Variants in WWP2 observed in about 807,000 individuals in gnomAD.
WWP2 encodes the protein NEDD4-like E3 ubiquitin-protein ligase WWP2.
Under a neutral mutation model 121.0 loss-of-function variants are expected in WWP2, and 57 were observed. The ratio of observed to expected loss-of-function variants is 0.47; its 90% confidence interval spans 0.38 to 0.59. The LOEUF is 0.59. WWP2 is among the 20% of genes least tolerant of loss of function. The probability of loss-of-function intolerance (pLI) is 0.00; values close to 1 mark genes in which losing one functional copy is unlikely to be tolerated. For missense variants in WWP2, 962 were observed against 1,158.9 expected, an observed-to-expected ratio of 0.83 and a Z score of 2.47; for synonymous variants, 449 against 441.3, an observed-to-expected ratio of 1.02 and a Z score of -0.22.
At chr16:69,771,907 C>G (rs544185332) in intron 1 of WWP2, among the ~76,000 whole-genome samples, 78 of 128,530 alleles carry the variant, frequency 6.1e-4, no homozygotes, top group Non-Finnish European at 1.0e-3. Flanking sequence ...TGCCTGAAGT[C>G]TTGAGTTTGG....
intron 8 of WWP2, among the ~76,000 whole-genome samples, chr16:69,893,166 A>G (rs1486861548): frequency 2.6e-5 from 4 of 152,144 alleles, no homozygotes; most frequent in Non-Finnish European, 5.9e-5. Context: ...TTAATCAGTA[A>G]ATCCTCTGGG....
chr16:69,832,288 C>A (rs762905609), intron 4 of WWP2, among the ~76,000 whole-genome samples: 1 of 152,192 alleles, frequency 6.6e-6, no homozygotes, highest in South Asian at 2.1e-4. Context: ...CCATCTATGA[C>A]GGGCCATTCC....
chr16:69,926,397 C>G lies in WWP2; in HGVS notation c.1234+913C>G, dbSNP rs115515767. ...GTAAACGTTGGTTTGGTGGTGTTGACAGATGGTGTGAAACTGGGAGGGGGT... is the reference window on the plus strand; with the variant it reads ...GTAAACGTTGGTTTGGTGGTGTTGAGAGATGGTGTGAAACTGGGAGGGGGT... On this transcript the variant is annotated intron_variant, in intron 11 of 23. Coordinates refer to ENST00000359154, the MANE Select transcript of WWP2 (RefSeq NM_001270454.2). Among the ~76,000 whole-genome samples, 960 of 152,172 alleles carry G rather than the reference C, an allele frequency of 6.3e-3. 12 individuals carry two copies. The highest frequency in any genetic ancestry group is 0.021 in the African/African-American group (883 of 41,518).
At chr16:69,794,521 C>A (rs2055985456) in intron 2 of WWP2, among the ~76,000 whole-genome samples, 1 of 151,492 alleles carries the variant, frequency 6.6e-6, no homozygotes, top group South Asian at 2.1e-4. Flanking sequence ...AGAGGGAGAC[C>A]CGGTCTCAAA....
In WWP2 at chr16:69,873,273, T is replaced by C. The variant is rs1327615943; in HGVS notation, c.703+1342T>C. On this transcript the variant is annotated intron_variant, in intron 7 of 23. Transcript: ENST00000359154. ...CCTTCAGTTCTGTGGCAGCACCATA[T>C]GGGGGCTTCAGAGTCCCCGTGGCTG... Among the ~76,000 whole-genome samples the C allele has an allele frequency of 2.0e-5, 3 of 152,308 alleles. No homozygotes were observed. In the East Asian group the frequency reaches 5.8e-4, roughly 29 times the overall value.
At chr16:69,801,720 C>T (rs1434148520) in intron 4 of WWP2, among the ~76,000 whole-genome samples, 2 of 151,884 alleles carry the variant, frequency 1.3e-5, no homozygotes, top group Admixed American at 6.6e-5. Flanking sequence ...CTACTGTTAA[C>T]ATTTTGATGT....
At chr16:69,938,819 A>G (rs1218586459) in intron 21 of WWP2, among the ~76,000 whole-genome samples, 1 of 152,250 alleles carries the variant, frequency 6.6e-6, no homozygotes, top group Non-Finnish European at 1.5e-5. Context: ...GAGATGTCCC[A>G]TGGACTGGTG....
chr16:69,897,839 C>T lies in WWP2; in HGVS notation c.914+9590C>T, dbSNP rs541657111. ...AGAAGAATGGTTTGAACCAGGGAGGCGGAGGTTACAGTGAGCCGAGATCGT... is the reference window on the plus strand; with the variant it reads ...AGAAGAATGGTTTGAACCAGGGAGGTGGAGGTTACAGTGAGCCGAGATCGT... On this transcript the variant is annotated intron_variant, in intron 8 of 23. Transcript: ENST00000359154. Among the ~76,000 whole-genome samples the T allele has an allele frequency of 5.5e-4, 83 of 151,444 alleles. 1 individual carries two copies. Among genetic ancestry groups the T allele is most frequent in the Middle Eastern group, 3.4e-3 (1 of 294 alleles).
At chr16:69,903,377 G>A (rs928265010) in intron 8 of WWP2, among the ~76,000 whole-genome samples, 3 of 152,210 alleles carry the variant, frequency 2.0e-5, no homozygotes, top group Non-Finnish European at 2.9e-5. Flanking sequence ...TAGCCAAAGT[G>A]TAATAAAATC....
chr16:69,793,746 C>CA (rs2055963996), intron 2 of WWP2, among the ~76,000 whole-genome samples: 1 of 151,952 alleles, frequency 6.6e-6, no homozygotes, highest in Admixed American at 6.6e-5. Context: ...GGGGAAGTCA[C>CA]AAATCTTGTG....
chr16:69,850,053 A>C (rs2057173731), intron 6 of WWP2, among the ~76,000 whole-genome samples: 1 of 152,196 alleles, frequency 6.6e-6, no homozygotes, highest in African/African-American at 2.4e-5. Flanking sequence ...TTCACTTGAT[A>C]TACATGAATG....
At position 69,799,315 on chromosome 16, in the gene WWP2, T is replaced by C; in HGVS notation, c.340+20T>C. On this transcript the variant is annotated intron_variant, in intron 4 of 23. Coordinates refer to ENST00000359154, the MANE Select transcript of WWP2 (RefSeq NM_001270454.2). This position sits in a 1 kb window ranked among gnomAD's most constrained non-coding sequence, Gnocchi z 4.5. ...GCAAAAGTACGTATGATGAAGGGGGTGCCGACGTGATTCTTGGGTGGGGAT... is the reference window on the plus strand; with the variant it reads ...GCAAAAGTACGTATGATGAAGGGGGCGCCGACGTGATTCTTGGGTGGGGAT... 6.2e-7 allele frequency: 1 copy of C among 1,607,178 alleles called. No individual in the cohort carries two copies. The highest frequency in any genetic ancestry group is 8.5e-7 in the Non-Finnish European group (1 of 1,176,930).
In WWP2 at chr16:69,925,194, A is replaced by G; in HGVS notation, c.1180-236A>G. On this transcript the variant is annotated intron_variant, in intron 10 of 23. Coordinates refer to ENST00000359154, the MANE Select transcript of WWP2 (RefSeq NM_001270454.2). This position sits in a 1 kb window ranked among gnomAD's most constrained non-coding sequence, Gnocchi z 4.0. ...TCCTCCCCGTCGCTCTGCCTTTTCC[A>G]AAACTCACTTGGGCCCTCCGTGCGC... The G allele has an allele frequency of 1.5e-6, 2 of 1,349,638 alleles. No homozygotes were observed. The highest frequency in any genetic ancestry group is 1.9e-6 in the Non-Finnish European group (2 of 1,049,662). The allele number at this position is 1,349,638 out of a possible 1,614,324, so 83.6% of individuals were successfully genotyped here.
At chr16:69,770,263 G>T (rs1043617339) in intron 1 of WWP2, among the ~76,000 whole-genome samples, 1 of 152,182 alleles carries the variant, frequency 6.6e-6, no homozygotes, top group African/African-American at 2.4e-5. Flanking sequence ...TGTAGTTAGA[G>T]GGTTGGCACT....
Position 69,917,808 on chromosome 16 carries a change from C to A in WWP2, c.1104C>A (p.Asn368Lys). The A allele has an allele frequency of 6.2e-7, 1 of 1,614,146 alleles. No individual in the cohort carries two copies. ...WQRPTAEYVR[N>K]YEQWQSQRNQ... is the part of the protein sequence containing the mutation. ...GTCCGACCGCGGAGTACGTGCGCAACTATGAGCAGTGGCAGTCGCAGCGGA... is the reference window on the plus strand; with the variant it reads ...GTCCGACCGCGGAGTACGTGCGCAAATATGAGCAGTGGCAGTCGCAGCGGA... The change falls in exon 10 of 24, where the codon AAC becomes AAA. Residue 368 changes from asparagine (N) to lysine (K), a missense_variant. By Grantham distance (94) the Asn-to-Lys change is moderately conservative. Transcript: ENST00000359154.
At chr16:69,877,729 G>GGAGA (rs145236505) in intron 7 of WWP2, among the ~76,000 whole-genome samples, 18 of 150,586 alleles carry the variant, frequency 1.2e-4, no homozygotes, top group African/African-American at 4.1e-4. Context: ...TAGGGTATAA[G>GGAGA]GAGAGAGAGA....
intron 8 of WWP2, among the ~76,000 whole-genome samples, chr16:69,889,776 C>A (rs982602888): frequency 5.3e-5 from 8 of 152,136 alleles, no homozygotes; most frequent in African/African-American, 1.9e-4. Context: ...ACATCTGTGT[C>A]ACTCTAGTTG....
chr16:69,869,178 G>A (rs556350395), intron 6 of WWP2, among the ~76,000 whole-genome samples: 3 of 152,226 alleles, frequency 2.0e-5, no homozygotes, highest in South Asian at 4.1e-4. Context: ...ATGAGCCACT[G>A]TGTGCGGCCA....
chr16:69,790,235 G>A (rs1023845098), intron 2 of WWP2, among the ~76,000 whole-genome samples: 13 of 152,016 alleles, frequency 8.6e-5, no homozygotes, highest in South Asian at 2.1e-4. Flanking sequence ...CAACAAGAAC[G>A]AAATTCTATC....
Sources: gnomAD v4.1 joint callset for allele counts (sites outside exome capture counted in the v4.1 genomes callset) on GRCh38, gnomAD v4.1.1 for gene constraint, Gnocchi (gnomAD v3.1) non-coding constraint, MANE v1.5 for transcripts, NCBI Gene and HGNC (gene_info 2026-07-23, HGNC 2026-07-21) for gene names.